CYB5B: variants seen among roughly 807,000 people sequenced by gnomAD.
CYB5B encodes the protein cytochrome b5 type B (outer mitochondrial membrane).
Under a neutral mutation model 21.3 loss-of-function variants are expected in CYB5B, and 14 were observed. The ratio of observed to expected loss-of-function variants is 0.66; its 90% CI spans 0.43 to 1.03. The LOEUF is 1.03. Ranked by LOEUF, CYB5B falls within the 50% of genes least tolerant of loss-of-function variation. The pLI is 0.00. For missense variants in CYB5B, 166 were observed against 185.1 expected (o/e 0.90, Z 0.60); for synonymous variants, 69 against 68.4 (o/e 1.01, Z -0.04).
intron 4 of CYB5B, among the ~76,000 whole-genome samples, chr16:69,461,458 A>T (rs1192178178): frequency 6.6e-6 from 1 of 152,218 alleles, no homozygotes; most frequent in African/African-American, 2.4e-5. Flanking sequence ...GTAAGCATAC[A>T]GAGTGCTAGG....
In CYB5B at chr16:69,465,371, C is replaced by T. The variant is rs2015078956; in HGVS notation, c.*2851C>T. On this transcript the variant is annotated 3_prime_UTR_variant, in exon 5 of 5. Coordinates refer to ENST00000307892, the MANE Select transcript of CYB5B (RefSeq NM_030579.3). Reference sequence around the variant, plus strand: ...CAGTAGAGTCTAGTTTGAAATGACACCAAAATTCCTCAGCCCCTACTCAGC... The same window carrying T: ...CAGTAGAGTCTAGTTTGAAATGACATCAAAATTCCTCAGCCCCTACTCAGC... The T allele has an allele frequency of 6.6e-6, 1 of 152,122 alleles. No individual in the cohort carries two copies. Among genetic ancestry groups the T allele is most frequent in the Non-Finnish European group, 1.5e-5 (1 of 68,040 alleles). 9.4% of individuals were successfully genotyped at this position (152,122 alleles called of 1,614,324 possible).
At chr16:69,454,553 A>G in intron 3 of CYB5B, among the ~76,000 whole-genome samples, 1 of 152,212 alleles carries the variant, frequency 6.6e-6, no homozygotes, top group East Asian at 1.9e-4. Context: ...GGTCCATGGT[A>G]TTAAGGGGGA....
In CYB5B at chr16:69,465,621, G is replaced by A. The variant is rs574967303; in HGVS notation, c.*3101G>A. 7.2e-5 allele frequency: 11 copies of A among 152,280 alleles called. No homozygotes were observed. The South Asian group carries it at 2.1e-3, about 29-fold the overall frequency. The allele number at this position is 152,280 out of a possible 1,614,324, so 9.4% of individuals were successfully genotyped here. ...TTATACTCATTTAGCTGCAATGTGGGACAATGAAAAATGCTTTACAGGCCT... is the reference window on the plus strand; with the variant it reads ...TTATACTCATTTAGCTGCAATGTGGAACAATGAAAAATGCTTTACAGGCCT... On this transcript the variant is annotated 3_prime_UTR_variant, in exon 5 of 5. Transcript: ENST00000307892.
chr16:69,464,828 C>G lies in CYB5B; in HGVS notation c.*2308C>G, dbSNP rs146510303. 3.4e-4 allele frequency: 52 copies of G among 152,686 alleles called. No homozygotes were observed. The highest frequency in any genetic ancestry group is 6.0e-4 in the Non-Finnish European group (41 of 68,002). The allele number at this position is 152,686 out of a possible 1,614,324, so 9.5% of individuals were successfully genotyped here. A position where few individuals can be genotyped will look rare whatever the true frequency, so the allele number is the denominator to read the frequency against. On this transcript the variant is annotated 3_prime_UTR_variant, in exon 5 of 5. Coordinates refer to ENST00000307892, the MANE Select transcript of CYB5B (RefSeq NM_030579.3). Reference sequence around the variant, plus strand: ...ATAATTAGACTTTGTCTCTTCCACCCATGAAATCCCCCAGTACCCAGGGCT... The same window carrying G: ...ATAATTAGACTTTGTCTCTTCCACCGATGAAATCCCCCAGTACCCAGGGCT...
intron 1 of CYB5B, among the ~76,000 whole-genome samples, chr16:69,438,779 C>A (rs972295781): frequency 1.3e-5 from 2 of 152,128 alleles, no homozygotes; most frequent in African/African-American, 4.8e-5. Flanking sequence ...GGAGAGAGAG[C>A]GAGAGAGCTC....
Position 69,452,737 on chromosome 16 carries a change from G to A in CYB5B, c.333+4593G>A, listed in dbSNP as rs931383255. 2.0e-5 allele frequency among the ~76,000 whole-genome samples: 3 copies of A among 151,316 alleles called. 1 individual carries two copies. Among genetic ancestry groups the A allele is most frequent in the Non-Finnish European group, 4.4e-5 (3 of 67,830 alleles). On this transcript the variant is annotated intron_variant, in intron 3 of 4. Transcript: ENST00000307892. ...TATTAACATCTTTTGGGCTGGGGGC[G>A]GTGGCTCACGCTTGTAATCCGAGCA...
At chr16:69,429,559 C>G (rs990508295) in intron 1 of CYB5B, among the ~76,000 whole-genome samples, 1 of 152,124 alleles carries the variant, frequency 6.6e-6, no homozygotes, top group Non-Finnish European at 1.5e-5. Context: ...GCTGGCTTTG[C>G]CTTCTTAAGA....
At chr16:69,456,136 A>G (rs963451326) in intron 3 of CYB5B, among the ~76,000 whole-genome samples, 1 of 152,032 alleles carries the variant, frequency 6.6e-6, no homozygotes, top group African/African-American at 2.4e-5. Flanking sequence ...TTATATGTAT[A>G]TAAATATATT....
intron 1 of CYB5B, among the ~76,000 whole-genome samples, chr16:69,436,780 C>G (rs184126842): frequency 3.0e-4 from 45 of 152,258 alleles, no homozygotes; most frequent in African/African-American, 1.0e-3. Flanking sequence ...TATTACATCA[C>G]TATGGAATTT....
chr16:69,425,792 G>T (rs1010582112), intron 1 of CYB5B, among the ~76,000 whole-genome samples: 7 of 152,078 alleles, frequency 4.6e-5, no homozygotes, highest in African/African-American at 1.4e-4. Context: ...TTGATTTTCG[G>T]TGTGTGTATG....
chr16:69,434,044 C>T (rs903685725), intron 1 of CYB5B, among the ~76,000 whole-genome samples: 5 of 152,164 alleles, frequency 3.3e-5, no homozygotes, highest in East Asian at 3.8e-4. Context: ...TATATATGGT[C>T]CATTGTTGAC....
intron 1 of CYB5B, among the ~76,000 whole-genome samples, chr16:69,426,891 G>C (rs74689594): frequency 0.022 from 3,300 of 152,212 alleles, 52 homozygotes; most frequent in Non-Finnish European, 0.031. Context: ...TATGACTTCT[G>C]GTATTTGCTT....
chr16:69,452,491 G>C (rs2014945042), intron 3 of CYB5B, among the ~76,000 whole-genome samples: 1 of 151,672 alleles, frequency 6.6e-6, no homozygotes, highest in Non-Finnish European at 1.5e-5. Flanking sequence ...GACCAGCCCG[G>C]CCAACATGGC....
In CYB5B at chr16:69,460,719, A is replaced by G. The variant is rs538676168; in HGVS notation, c.362+1598A>G. 2.8e-4 allele frequency among the ~76,000 whole-genome samples: 42 copies of G among 152,364 alleles called. No homozygotes were observed. In the South Asian group the frequency reaches 6.4e-3, roughly 23 times the overall value. On this transcript the variant is annotated intron_variant, in intron 4 of 4. Coordinates refer to ENST00000307892, the MANE Select transcript of CYB5B (RefSeq NM_030579.3). ...CCAGGTACACCCAGAAATATATGCA[A>G]GAATGTTCATAGCAGTGTTATTCGA...
At chr16:69,446,007 A>C (rs1335944378) in intron 1 of CYB5B, among the ~76,000 whole-genome samples, 1 of 152,030 alleles carries the variant, frequency 6.6e-6, no homozygotes, top group East Asian at 1.9e-4. Context: ...TCTTCCTTCT[A>C]CCCTATCTCC....
intron 1 of CYB5B, among the ~76,000 whole-genome samples, chr16:69,433,358 A>G (rs2014726004): frequency 6.6e-6 from 1 of 152,156 alleles, no homozygotes. Context: ...TCCTAAAGTT[A>G]ACTCCCATTG....
At chr16:69,459,057 T>C (rs768582013) in intron 3 of CYB5B, 36 bp from the exon 4 acceptor site, 4 of 1,533,786 alleles carry the variant, frequency 2.6e-6, no homozygotes, top group Middle Eastern at 2.0e-4. Flanking sequence ...TTCTTTTTGT[T>C]TGTTATTTTT....
chr16:69,426,918 C>G (rs2014653724), intron 1 of CYB5B, among the ~76,000 whole-genome samples: 1 of 152,098 alleles, frequency 6.6e-6, no homozygotes, highest in Admixed American at 6.6e-5. Context: ...AAGTTTCATG[C>G]TAAAGCATGG....
At chr16:69,443,384 G>T in intron 1 of CYB5B, 1 of 175,364 alleles carries the variant, frequency 5.7e-6, no homozygotes. Context: ...CATGGCCATG[G>T]CTGCTCTGGT....
Sources: gnomAD v4.1 joint callset for allele counts (sites outside exome capture counted in the v4.1 genomes callset) on GRCh38, gnomAD v4.1.1 for gene constraint, MANE v1.5 for transcripts, NCBI Gene and HGNC (gene_info 2026-07-23, HGNC 2026-07-21) for gene names.